The following SLIT1 variants were observed in gnomAD, a reference collection of about 807,000 sequenced individuals.
SLIT1 encodes slit guidance ligand 1, also known as slit homolog 1 protein.
SLIT1 carries 66 observed loss-of-function variants against 186.1 expected under a neutral mutation model. The observed-to-expected ratio is 0.35, with a 90% CI of 0.29 to 0.44. SLIT1 has a LOEUF of 0.44. SLIT1 is among the 20% of genes least tolerant of loss of function. The pLI, the probability that SLIT1 is intolerant of heterozygous loss-of-function variation, is 1.00. For missense variants in SLIT1, 1,638 were observed against 2,037.4 expected, an observed-to-expected ratio of 0.80 and a Z score of 3.77; for synonymous variants, 761 against 833.8, an observed-to-expected ratio of 0.91 and a Z score of 1.50.
chr10:97,034,663 T>C, intron 22 of SLIT1, 121 bp from the exon 23 acceptor site: 1 of 816,080 alleles, frequency 1.2e-6, no homozygotes. Flanking sequence ...TGGCCAGGGG[T>C]GGAGAGGAGC....
chr10:97,106,278 G>T (rs1409082860), intron 4 of SLIT1, among the ~76,000 whole-genome samples: 14 of 152,220 alleles, frequency 9.2e-5, no homozygotes, highest in Admixed American at 7.2e-4. Flanking sequence ...TGGAGGTAAG[G>T]CAAGGTCAGA....
intron 4 of SLIT1, chr10:97,155,566 T>C (rs1332545907): frequency 6.6e-6 from 1 of 152,258 alleles, no homozygotes; most frequent in East Asian, 1.9e-4. Flanking sequence ...GATTCAGATT[T>C]ACATGATGGG....
At position 97,043,528 on chromosome 10, in the gene SLIT1, G is replaced by A. The variant is rs775325218; in HGVS notation, c.1854-15C>T. ...TCCGCAGCATTCTGGGGAGGAACGG[G>A]GGAGGGAGGAGGGGACCCTTGCTGC... is the stretch of plus-strand genomic sequence containing the variant. On this transcript the variant is annotated splice_polypyrimidine_tract_variant and intron_variant, in intron 18 of 36. Coordinates refer to ENST00000266058, the MANE Select transcript of SLIT1 (RefSeq NM_003061.3). The surrounding 1 kb of genome is among the most constrained non-coding windows in gnomAD (Gnocchi z 7.0). 1.2e-6 allele frequency: 2 copies of A among 1,611,052 alleles called. No individual in the cohort carries two copies. Among genetic ancestry groups the A allele is most frequent in the Admixed American group, 1.7e-5 (1 of 59,938 alleles).
intron 4 of SLIT1, among the ~76,000 whole-genome samples, chr10:97,104,898 C>T (rs1243442599): frequency 4.6e-5 from 7 of 152,294 alleles, no homozygotes; most frequent in East Asian, 3.9e-4. Context: ...TCATCCTTGA[C>T]GCTGGTCTCA....
chr10:97,104,838 T>C (rs1405103110), intron 4 of SLIT1, among the ~76,000 whole-genome samples: 3 of 152,158 alleles, frequency 2.0e-5, no homozygotes, highest in Admixed American at 2.0e-4. Context: ...CAGAGGGATG[T>C]CATGCCTCCC....
intron 14 of SLIT1, among the ~76,000 whole-genome samples, chr10:97,048,596 A>T (rs1230877303): frequency 6.6e-6 from 1 of 152,200 alleles, no homozygotes; most frequent in African/African-American, 2.4e-5. Flanking sequence ...TACCATTCAG[A>T]TCAAGTCTAG....
chr10:97,134,754 G>GTGAC (rs550437005), intron 4 of SLIT1, among the ~76,000 whole-genome samples: 91 of 152,340 alleles, frequency 6.0e-4, no homozygotes, highest in South Asian at 4.1e-3. Context: ...GCCTGTGGAA[G>GTGAC]TGACATTCTC....
chr10:97,068,960 C>T lies in SLIT1; in HGVS notation c.414-2874G>A, dbSNP rs1432537606. Among the ~76,000 whole-genome samples the T allele has an allele frequency of 6.6e-6, 1 of 152,200 alleles. No individual in the cohort carries two copies. The highest frequency in any genetic ancestry group is 1.9e-4 in the East Asian group (1 of 5,200). ...ATCCTTGTTATCATCTCTTCCTTGC[C>T]TAGAGAGTTCCTTGGCTGCCACATC... On this transcript the variant is annotated intron_variant, in intron 4 of 36. Coordinates refer to ENST00000266058, the MANE Select transcript of SLIT1 (RefSeq NM_003061.3). This position sits in a 1 kb window ranked among gnomAD's most constrained non-coding sequence, Gnocchi z 4.2.
chr10:97,069,606 C>A (rs1035642439), intron 4 of SLIT1, among the ~76,000 whole-genome samples: 1 of 152,146 alleles, frequency 6.6e-6, no homozygotes. Context: ...CTGACCGGAT[C>A]TTAAAGAGTT....
intron 4 of SLIT1, among the ~76,000 whole-genome samples, chr10:97,143,322 G>A (rs995215910): frequency 3.9e-5 from 6 of 152,300 alleles, no homozygotes; most frequent in South Asian, 2.1e-4. Context: ...AAGTCCTGGC[G>A]CATGCTATAG....
intron 4 of SLIT1, among the ~76,000 whole-genome samples, chr10:97,067,280 G>A (rs1187352839): frequency 1.3e-5 from 2 of 152,182 alleles, no homozygotes; most frequent in African/African-American, 2.4e-5. Flanking sequence ...GGCCAGCTTT[G>A]GGGCCCTTCC....
intron 13 of SLIT1, among the ~76,000 whole-genome samples, chr10:97,051,532 T>C (rs1431381734): frequency 6.6e-6 from 1 of 151,930 alleles, no homozygotes; most frequent in Admixed American, 6.6e-5. Flanking sequence ...AATGAAAATG[T>C]CGGGCGCGGT....
At chr10:97,044,217 A>G (rs1848716144) in intron 18 of SLIT1, among the ~76,000 whole-genome samples, 1 of 152,240 alleles carries the variant, frequency 6.6e-6, no homozygotes. Flanking sequence ...CAACATAGCG[A>G]GACCTTGTCT....
In SLIT1 at chr10:97,030,818, C is replaced by T. The variant is rs780888083; in HGVS notation, c.2521G>A (p.Gly841Ser). The change falls in exon 25 of 37, where the codon GGC becomes AGC. Residue 841 changes from glycine to serine, a missense_variant. This residue lies in a region of SLIT1 where 1,245 missense variants were observed against 1,535.3 expected (regional missense o/e 0.81). Transcript: ENST00000266058. ...LRSLRLLSLHGNDISTLQEGI... is the reference protein window; with the variant it reads ...LRSLRLLSLHSNDISTLQEGI... The stretch of plus-strand genomic sequence containing the variant: ...TCTTGGAGGGTGGAGATGTCATTGC[C>T]GTGGAGAGACCTGAGAAGGGAAGAG... 3.1e-6 allele frequency: 5 copies of T among 1,613,908 alleles called. No homozygotes were observed. Among genetic ancestry groups the T allele is most frequent in the Admixed American group, 3.3e-5 (2 of 60,018 alleles).
intron 25 of SLIT1, among the ~76,000 whole-genome samples, chr10:97,023,491 T>C (rs1848519019): frequency 6.6e-6 from 1 of 152,178 alleles, no homozygotes; most frequent in Non-Finnish European, 1.5e-5. Context: ...CCACTTACAC[T>C]GGCCATCAGT....
Position 97,148,632 on chromosome 10 carries a change from C to T in SLIT1, c.413+9186G>A, listed in dbSNP as rs190324285. 1.1e-4 allele frequency among the ~76,000 whole-genome samples: 16 copies of T among 152,176 alleles called. No individual in the cohort carries two copies. The East Asian group carries it at 2.7e-3, about 26-fold the overall frequency. The stretch of plus-strand genomic sequence containing the variant: ...ATGTTAGCTCAATCACCTTTAAATG[C>T]CTTAACTAGAAAACTAAATCCCTTA... On this transcript the variant is annotated intron_variant, in intron 4 of 36. Transcript: ENST00000266058.
intron 1 of SLIT1, among the ~76,000 whole-genome samples, chr10:97,181,441 T>C (rs79759517): frequency 1.3e-5 from 2 of 152,318 alleles, no homozygotes; most frequent in East Asian, 3.9e-4. Flanking sequence ...CCCTGTTAAA[T>C]GGGACCTCTA....
intron 13 of SLIT1, among the ~76,000 whole-genome samples, chr10:97,053,956 G>A (rs12256276): frequency 0.055 from 8,367 of 152,130 alleles, 310 homozygotes; most frequent in African/African-American, 0.099. Flanking sequence ...ATCGGTGTTC[G>A]GTGTTTGGTC....
At chr10:97,026,570 T>G (rs915226146) in intron 25 of SLIT1, among the ~76,000 whole-genome samples, 2 of 152,250 alleles carry the variant, frequency 1.3e-5, no homozygotes, top group African/African-American at 4.8e-5. Context: ...ATTTACTTAA[T>G]CCTTCCATAT....
Sources: gnomAD v4.1 joint callset for allele counts (sites outside exome capture counted in the v4.1 genomes callset) on GRCh38, gnomAD v4.1.1 for gene constraint, gnomAD v4.1.1 regional missense constraint, Gnocchi (gnomAD v3.1) non-coding constraint, MANE v1.5 for transcripts, NCBI Gene and HGNC (gene_info 2026-07-23, HGNC 2026-07-21) for gene names.